Variants in PARN observed in about 807,000 individuals in gnomAD.
PARN encodes poly(A)-specific ribonuclease, also known as poly(A)-specific ribonuclease PARN.
PARN carries 71 observed loss-of-function variants against 102.8 expected under a neutral mutation model. That is an observed-to-expected ratio of 0.69 (90% confidence interval 0.57 to 0.84). The LOEUF (loss-of-function observed/expected upper bound fraction) is 0.84. Ranked by LOEUF, PARN falls within the 40% of genes least tolerant of loss-of-function variation. PARN has a pLI of 0.00. For synonymous variants in PARN, 261 were observed against 252.9 expected, an observed-to-expected ratio of 1.03 and a Z score of -0.30; for missense variants, 782 against 760.9, an observed-to-expected ratio of 1.03 and a Z score of -0.33.
intron 22 of PARN, among the ~76,000 whole-genome samples, chr16:14,475,142 AT>A (rs1962970961): frequency 6.6e-6 from 1 of 152,276 alleles, no homozygotes; most frequent in South Asian, 2.1e-4. Context: ...GGATTTTCCC[AT>A]CAGTTGAGAT....
At chr16:14,437,350 C>T (rs1182792248) in intron 23 of PARN, among the ~76,000 whole-genome samples, 2 of 152,176 alleles carry the variant, frequency 1.3e-5, no homozygotes, top group African/African-American at 4.8e-5. Flanking sequence ...CTCAGGTGGG[C>T]AGCTGAAGGG....
rs576603597 is a variant in PARN, at chr16:14,440,673, A to C, written c.1865-3901T>G. Among the ~76,000 whole-genome samples, 10 of 152,330 alleles carry C rather than the reference A, an allele frequency of 6.6e-5. 1 individual carries two copies. In the South Asian group the frequency reaches 2.1e-3, roughly 32 times the overall value. On this transcript the variant is annotated intron_variant, in intron 23 of 23. Coordinates refer to ENST00000437198, the MANE Select transcript of PARN (RefSeq NM_002582.4). The stretch of plus-strand genomic sequence containing the variant: ...CAGTGGAATACCACTTAGCAGTAAA[A>C]CGGAGTGTACTGAGGATACACGCAC...
intron 22 of PARN, among the ~76,000 whole-genome samples, chr16:14,460,923 G>A (rs1190622045): frequency 6.6e-6 from 1 of 152,228 alleles, no homozygotes; most frequent in Non-Finnish European, 1.5e-5. Flanking sequence ...AGAGAGAACA[G>A]TAACTTCATG....
At chr16:14,614,796 T>C (rs1323589222) in intron 6 of PARN, among the ~76,000 whole-genome samples, 1 of 124,586 alleles carries the variant, frequency 8.0e-6, no homozygotes, top group Non-Finnish European at 1.6e-5. Flanking sequence ...GGTGGTGAGC[T>C]GAGATCGCAC....
At chr16:14,618,431 T>C (rs1425885447) in intron 5 of PARN, among the ~76,000 whole-genome samples, 1 of 149,086 alleles carries the variant, frequency 6.7e-6, no homozygotes, top group Non-Finnish European at 1.5e-5. Context: ...GAGCTTGCAG[T>C]GAGCCGAGAT....
At chr16:14,479,885 C>A (rs1175730217) in intron 22 of PARN, among the ~76,000 whole-genome samples, 1 of 148,918 alleles carries the variant, frequency 6.7e-6, no homozygotes, top group African/African-American at 2.5e-5. Context: ...TGGGTCATGA[C>A]CTAAATGTAA....
chr16:14,587,314 G>A (rs1351659681), intron 13 of PARN, among the ~76,000 whole-genome samples: 1 of 152,146 alleles, frequency 6.6e-6, no homozygotes. Context: ...TACAAGCAAG[G>A]AACAAGGAGA....
chr16:14,602,732 C>A (rs900460170), intron 11 of PARN, among the ~76,000 whole-genome samples: 5 of 152,140 alleles, frequency 3.3e-5, no homozygotes, highest in Non-Finnish European at 5.9e-5. Context: ...GCTCCCACCC[C>A]CTTCCCTGTC....
At chr16:14,619,568 C>A (rs1011412509) in intron 5 of PARN, among the ~76,000 whole-genome samples, 6 of 151,912 alleles carry the variant, frequency 3.9e-5, no homozygotes, top group African/African-American at 1.5e-4. Flanking sequence ...TCGAGACCAG[C>A]CTGAGTAACA....
intron 16 of PARN, among the ~76,000 whole-genome samples, chr16:14,583,311 T>C (rs1412401683): frequency 6.6e-6 from 1 of 152,216 alleles, no homozygotes; most frequent in East Asian, 1.9e-4. Flanking sequence ...GGAAGGTTAC[T>C]ATAACACAGA....
At chr16:14,463,837 T>TG (rs1567295114) in intron 22 of PARN, among the ~76,000 whole-genome samples, 9 of 105,890 alleles carry the variant, frequency 8.5e-5, no homozygotes, top group Admixed American at 1.8e-4. Flanking sequence ...ACTTTTTTTT[T>TG]TGGGGGGGGG....
chr16:14,454,551 C>T (rs181612759), intron 22 of PARN, among the ~76,000 whole-genome samples: 42 of 152,108 alleles, frequency 2.8e-4, no homozygotes, highest in Non-Finnish European at 5.4e-4. Context: ...TTAGTTCTTC[C>T]ATTTAGTTCT....
chr16:14,459,944 T>C (rs187201908), intron 22 of PARN, among the ~76,000 whole-genome samples: 138 of 152,234 alleles, frequency 9.1e-4, no homozygotes, highest in African/African-American at 3.3e-3. Context: ...ATGCAAAAAA[T>C]AAACTCATAC....
At chr16:14,603,838 G>A (rs1363980968) in intron 11 of PARN, among the ~76,000 whole-genome samples, 4 of 152,214 alleles carry the variant, frequency 2.6e-5, no homozygotes, top group Non-Finnish European at 5.9e-5. Context: ...CATGAAGTTA[G>A]ACGTTGCAGT....
chr16:14,476,385 T>C (rs1408280238), intron 22 of PARN, among the ~76,000 whole-genome samples: 7 of 152,222 alleles, frequency 4.6e-5, no homozygotes, highest in African/African-American at 1.7e-4. Context: ...GGTTAATGGC[T>C]ACCATCTTGG....
chr16:14,597,729 AC>A (rs1970612608), intron 12 of PARN, among the ~76,000 whole-genome samples: 1 of 152,184 alleles, frequency 6.6e-6, no homozygotes, highest in South Asian at 2.1e-4. Context: ...GACATCATGA[AC>A]CATCATTTCT....
intron 22 of PARN, among the ~76,000 whole-genome samples, chr16:14,469,045 C>A (rs1389639053): frequency 6.6e-6 from 1 of 152,118 alleles, no homozygotes; most frequent in Non-Finnish European, 1.5e-5. Context: ...CACCTGTAAT[C>A]CCAGCACTTT....
chr16:14,459,052 C>G (rs908531798), intron 22 of PARN, among the ~76,000 whole-genome samples: 3 of 152,174 alleles, frequency 2.0e-5, no homozygotes, highest in Non-Finnish European at 4.4e-5. Flanking sequence ...TGAAACCTTA[C>G]AGCTAATTCA....
intron 21 of PARN, among the ~76,000 whole-genome samples, chr16:14,512,401 G>A (rs1965237809): frequency 6.6e-6 from 1 of 152,160 alleles, no homozygotes; most frequent in South Asian, 2.1e-4. Context: ...GCTGAGGCAC[G>A]AGAATTGTTT....
Sources: allele counts gnomAD v4.1 joint callset (sites outside exome capture counted in the v4.1 genomes callset), GRCh38; gene constraint gnomAD v4.1.1; transcripts MANE v1.5; gene names NCBI Gene and HGNC (gene_info 2026-07-23, HGNC 2026-07-21).